Variants in TRERF1 observed in about 807,000 individuals in gnomAD.
The protein encoded by TRERF1 is transcriptional regulating factor 1.
TRERF1 carries 27 observed loss-of-function variants against 122.9 expected under a neutral mutation model. The ratio of observed to expected loss-of-function variants is 0.22; its 90% CI spans 0.16 to 0.30. The LOEUF (loss-of-function observed/expected upper bound fraction) is 0.30, where lower values mean the gene tolerates loss of function less well. Among genes scored for constraint, TRERF1 ranks in the 10% least tolerant of loss-of-function variants. The pLI is 1.00. For missense variants in TRERF1, 1,248 were observed against 1,560.3 expected, an observed-to-expected ratio of 0.80 and a Z score of 3.37; for synonymous variants, 636 against 641.7, an observed-to-expected ratio of 0.99 and a Z score of 0.13.
intron 2 of TRERF1, among the ~76,000 whole-genome samples, chr6:42,416,080 AT>A (rs983704319): frequency 2.6e-5 from 4 of 151,988 alleles, no homozygotes; most frequent in African/African-American, 7.2e-5. Context: ...TACAAGTGGG[AT>A]TTTTTTTCTT....
chr6:42,323,638 G>A (rs192135693), intron 3 of TRERF1, among the ~76,000 whole-genome samples: 4 of 152,148 alleles, frequency 2.6e-5, no homozygotes, highest in African/African-American at 9.7e-5. Context: ...CATGGAGAAA[G>A]ACCAGGGTAC....
At chr6:42,421,983 C>G (rs1782831903) in intron 2 of TRERF1, among the ~76,000 whole-genome samples, 1 of 151,400 alleles carries the variant, frequency 6.6e-6, no homozygotes, top group Non-Finnish European at 1.5e-5. Context: ...ACCTGGCCAA[C>G]ATGGTGAAAC....
At chr6:42,348,481 G>A (rs1282674365) in intron 3 of TRERF1, among the ~76,000 whole-genome samples, 3 of 152,092 alleles carry the variant, frequency 2.0e-5, no homozygotes, top group Non-Finnish European at 4.4e-5. Context: ...CCGAACTCCT[G>A]ACCTCAGGTG....
chr6:42,262,383 A>T (rs887360901), intron 8 of TRERF1, among the ~76,000 whole-genome samples: 4 of 146,564 alleles, frequency 2.7e-5, no homozygotes, highest in Non-Finnish European at 6.0e-5. Flanking sequence ...CTTTGTGGGG[A>T]GGGGGTAGGT....
intron 2 of TRERF1, among the ~76,000 whole-genome samples, chr6:42,418,934 C>T (rs1295855107): frequency 1.3e-5 from 2 of 152,150 alleles, no homozygotes; most frequent in African/African-American, 4.8e-5. Context: ...AGTCATAAAG[C>T]CTTAAAGCAT....
intron 13 of TRERF1, among the ~76,000 whole-genome samples, chr6:42,250,661 C>T (rs994070725): frequency 6.6e-6 from 1 of 152,062 alleles, no homozygotes. Flanking sequence ...GTTGAGAGTC[C>T]CCCCACACTC....
chr6:42,251,064 T>A (rs568739977), intron 13 of TRERF1, among the ~76,000 whole-genome samples: 1 of 146,436 alleles, frequency 6.8e-6, no homozygotes, highest in South Asian at 2.2e-4. Context: ...TGGCGTGATC[T>A]CAGCTCACTA....
intron 2 of TRERF1, among the ~76,000 whole-genome samples, chr6:42,395,943 C>T (rs1778508637): frequency 6.6e-6 from 1 of 152,134 alleles, no homozygotes; most frequent in Admixed American, 6.6e-5. Flanking sequence ...CACTGTTCAA[C>T]CAACATGTGA....
intron 2 of TRERF1, among the ~76,000 whole-genome samples, chr6:42,369,220 C>A (rs970416691): frequency 6.6e-6 from 1 of 152,112 alleles, no homozygotes; most frequent in African/African-American, 2.4e-5. Flanking sequence ...GAGGCCAAGG[C>A]GGGTGGATCA....
chr6:42,252,613 C>G (rs12194186), intron 13 of TRERF1, among the ~76,000 whole-genome samples: 11,973 of 152,246 alleles, frequency 0.079, 527 homozygotes, highest in African/African-American at 0.091. Context: ...AAGGCCAAAG[C>G]AGAATGGGGC....
At chr6:42,389,959 G>A (rs946088456) in intron 2 of TRERF1, among the ~76,000 whole-genome samples, 1 of 152,220 alleles carries the variant, frequency 6.6e-6, no homozygotes, top group African/African-American at 2.4e-5. Context: ...TGTGTGAAAT[G>A]TGCCTTCCCC....
chr6:42,225,852 C>G (rs1267045348), exon 18 of TRERF1: 1 of 151,980 alleles, frequency 6.6e-6, no homozygotes, highest in Non-Finnish European at 1.5e-5. Context: ...TAAAATATAT[C>G]TGTTAACTTT....
intron 2 of TRERF1, among the ~76,000 whole-genome samples, chr6:42,434,718 T>C (rs1167334685): frequency 1.7e-5 from 2 of 119,806 alleles, no homozygotes; most frequent in Non-Finnish European, 3.7e-5. Flanking sequence ...ACACCCCTAA[T>C]AGGAGTTATT....
chr6:42,334,878 G>GGT (rs751380556), intron 3 of TRERF1, among the ~76,000 whole-genome samples: 1 of 152,234 alleles, frequency 6.6e-6, no homozygotes, highest in Non-Finnish European at 1.5e-5. Flanking sequence ...ATCAGCACTG[G>GGT]GGTTCCAGCC....
At chr6:42,287,665 G>A (rs1277299563) in intron 4 of TRERF1, among the ~76,000 whole-genome samples, 2 of 152,032 alleles carry the variant, frequency 1.3e-5, no homozygotes, top group African/African-American at 2.4e-5. Context: ...CAGAAACTGG[G>A]ACCCCAGGGG....
intron 4 of TRERF1, among the ~76,000 whole-genome samples, chr6:42,290,901 G>C (rs968598818): frequency 6.6e-6 from 1 of 151,966 alleles, no homozygotes; most frequent in Non-Finnish European, 1.5e-5. Context: ...TCCCGGCTTG[G>C]AGACCAGTCT....
chr6:42,366,520 C>T (rs1772759617), intron 2 of TRERF1, among the ~76,000 whole-genome samples: 1 of 152,182 alleles, frequency 6.6e-6, no homozygotes, highest in Admixed American at 6.5e-5. Context: ...CTCCTCCCTC[C>T]TCTTCCTGCA....
chr6:42,445,279 A>C (rs9471864), intron 2 of TRERF1, among the ~76,000 whole-genome samples: 17,498 of 150,460 alleles, frequency 0.12, 1,130 homozygotes, highest in South Asian at 0.17. Context: ...AAAAAAAAAA[A>C]AACAAAAAAC....
At chr6:42,383,371 T>C (rs1297905951) in intron 2 of TRERF1, among the ~76,000 whole-genome samples, 1 of 152,284 alleles carries the variant, frequency 6.6e-6, no homozygotes, top group East Asian at 1.9e-4. Context: ...CATGCCTCTT[T>C]CCTATGAAGC....
Sources: allele counts gnomAD v4.1 joint callset (sites outside exome capture counted in the v4.1 genomes callset), GRCh38; gene constraint gnomAD v4.1.1; transcripts MANE v1.5; gene names NCBI Gene and HGNC (gene_info 2026-07-23, HGNC 2026-07-21).